CYLC2: variants seen among roughly 807,000 people sequenced by gnomAD.
CYLC2 encodes cylicin-2.
CYLC2 carries 30 observed loss-of-function variants against 26.1 expected under a neutral mutation model. The ratio of observed to expected loss-of-function variants is 1.15; its 90% CI spans 0.86 to 1.56. The LOEUF is 1.56. Among genes scored for constraint, CYLC2 ranks in the 40% most tolerant of loss-of-function variants. The pLI is 0.00. For synonymous variants in CYLC2, 158 were observed against 132.8 expected, an observed-to-expected ratio of 1.19 and a Z score of -1.31; for missense variants, 498 against 394.4, an observed-to-expected ratio of 1.26 and a Z score of -2.23.
At position 103,004,662 on chromosome 9, in the gene CYLC2, A is replaced by T. The variant is rs1007348098; in HGVS notation, c.181-33A>T. ...AATACAAACTGTGTTATTCACTCAC[A>T]AGTTGTTCATCATTATTGTAACCAT... On this transcript the variant is annotated intron_variant, in intron 3 of 7. Coordinates refer to ENST00000374798, the MANE Select transcript of CYLC2 (RefSeq NM_001340.5). 3 of 1,494,326 alleles carry T rather than the reference A, an allele frequency of 2.0e-6. No homozygotes were observed. The East Asian group carries it at 6.9e-5, about 34-fold the overall frequency. 92.6% of individuals were successfully genotyped at this position (1,494,326 alleles called of 1,614,324 possible).
At chr9:103,013,344 TAAATATATATTATATA>T in intron 6 of CYLC2, among the ~76,000 whole-genome samples, 1 of 68,542 alleles carries the variant, frequency 1.5e-5, no homozygotes, top group Non-Finnish European at 2.4e-5. Flanking sequence ...ATATATTATA[TAAATATATATTATATA>T]AATATATATT....
intron 6 of CYLC2, among the ~76,000 whole-genome samples, chr9:103,015,289 A>G (rs1587856756): frequency 1.6e-5 from 2 of 122,100 alleles, no homozygotes; most frequent in Admixed American, 9.4e-5. Context: ...ATTATATAAT[A>G]TAATTATATG....
At chr9:102,996,602 G>T (rs912304397) in intron 1 of CYLC2, among the ~76,000 whole-genome samples, 3 of 151,914 alleles carry the variant, frequency 2.0e-5, no homozygotes, top group African/African-American at 7.2e-5. Flanking sequence ...GAGTTCAAGT[G>T]ACAGCTCCCA....
chr9:103,005,382 G>T lies in CYLC2; in HGVS notation c.751G>T (p.Ala251Ser), dbSNP rs1335565244. The T allele has an allele frequency of 3.1e-6, 5 of 1,613,884 alleles. No individual in the cohort carries two copies. In the East Asian group the frequency reaches 8.9e-5, roughly 29 times the overall value. Residue 251 changes from alanine (A) to serine (S), a missense_variant, in exon 5 of 8, where the codon GCA becomes TCA. Physicochemically the swap from Ala to Ser is moderately conservative, Grantham distance 99. Transcript: ENST00000374798. ...GAAGGATGAGGATGGAAAAAAAGAT[G>T]CAAACAAAGGTGATGAATCGAAGGA... ...EKKDEDGKKD[A>S]NKGDESKDAK... is the part of the protein sequence containing the mutation.
Position 103,005,410 on chromosome 9 carries a change from C to A in CYLC2, c.779C>A (p.Ala260Asp). 6.2e-7 allele frequency: 1 copy of A among 1,613,358 alleles called. No individual in the cohort carries two copies. Among genetic ancestry groups the A allele is most frequent in the Non-Finnish European group, 8.5e-7 (1 of 1,179,812 alleles). ...DANKGDESKD[A>D]KKDAKEIKKG... ...AACAAAGGTGATGAATCGAAGGATG[C>A]CAAGAAAGATGCAAAGGAGATTAAA... The change falls in exon 5 of 8, where the codon GCC becomes GAC. Residue 260 changes from alanine (A) to aspartate (D), a missense_variant. Coordinates refer to ENST00000374798, the MANE Select transcript of CYLC2 (RefSeq NM_001340.5).
chr9:102,996,203 T>C (rs1200252830), intron 1 of CYLC2, among the ~76,000 whole-genome samples: 1 of 151,900 alleles, frequency 6.6e-6, no homozygotes, highest in African/African-American at 2.4e-5. Context: ...ATCATTAAAG[T>C]ATAATTTTTG....
chr9:103,004,986 GAAGAC>G lies in CYLC2; in HGVS notation c.363_367del (p.Lys121AsnfsTer39), dbSNP rs774557428. On this transcript the variant is annotated frameshift_variant, in exon 5 of 8. Coordinates refer to ENST00000374798, the MANE Select transcript of CYLC2 (RefSeq NM_001340.5). LOFTEE classifies it high-confidence loss of function. ...ATCCCCAGAAATTGGTAAGAAAGGT[GAAGAC>G]AAGACAACACAGAAGGACACAACAG... is the stretch of plus-strand genomic sequence containing the variant. 1 of 1,581,226 alleles carries G rather than the reference GAAGAC, an allele frequency of 6.3e-7. No homozygotes were observed. Among genetic ancestry groups the G allele is most frequent in the South Asian group, 1.2e-5 (1 of 84,718 alleles).
At chr9:103,002,838 C>T (rs1004111391) in intron 2 of CYLC2, among the ~76,000 whole-genome samples, 8 of 151,944 alleles carry the variant, frequency 5.3e-5, no homozygotes, top group Non-Finnish European at 8.8e-5. Flanking sequence ...AAGCAAAAAC[C>T]TAGACTGGAA....
At chr9:103,015,871 G>C (rs1252203040) in intron 6 of CYLC2, among the ~76,000 whole-genome samples, 1 of 150,080 alleles carries the variant, frequency 6.7e-6, no homozygotes, top group Non-Finnish European at 1.5e-5. Context: ...TCTGTAACCA[G>C]ATAAGATGGA....
intron 1 of CYLC2, 146 bp from the exon 2 acceptor site, chr9:103,001,432 T>C (rs1829287870): frequency 6.5e-6 from 4 of 614,298 alleles, no homozygotes; most frequent in Non-Finnish European, 1.2e-5. Flanking sequence ...ATCCTGGAGA[T>C]GAAGTAATCT....
At chr9:103,004,623 A>G in intron 3 of CYLC2, 72 bp from the exon 4 acceptor site, 1 of 995,570 alleles carries the variant, frequency 1.0e-6, no homozygotes. Context: ...ATTAAAATAT[A>G]TTTGGGATAT....
intron 6 of CYLC2, among the ~76,000 whole-genome samples, chr9:103,015,122 T>C (rs1349571603): frequency 8.5e-5 from 4 of 47,182 alleles, no homozygotes; most frequent in African/African-American, 3.4e-4. Context: ...AACATGTATA[T>C]CACGTGATAT....
At chr9:103,013,606 T>G (rs1221088579) in intron 6 of CYLC2, among the ~76,000 whole-genome samples, 10 of 112,126 alleles carry the variant, frequency 8.9e-5, no homozygotes, top group African/African-American at 3.3e-4. Flanking sequence ...TATTTATAAA[T>G]ATTTTATATA....
At chr9:102,995,559 T>C (rs1303594611) in intron 1 of CYLC2, among the ~76,000 whole-genome samples, 162 bp downstream of exon 1, 1 of 151,950 alleles carries the variant, frequency 6.6e-6, no homozygotes, top group Non-Finnish European at 1.5e-5. Flanking sequence ...TAATAGATTT[T>C]TTTGATTTAA....
At chr9:103,000,815 G>T (rs947662329) in intron 1 of CYLC2, among the ~76,000 whole-genome samples, 1 of 151,966 alleles carries the variant, frequency 6.6e-6, no homozygotes, top group Non-Finnish European at 1.5e-5. Flanking sequence ...AAAATATAAT[G>T]AAACAATGTA....
Position 103,005,631 on chromosome 9 carries a change from A to C in CYLC2, c.1000A>C (p.Asn334His), listed in dbSNP as rs765188712. 79 of 1,611,818 alleles carry C rather than the reference A, an allele frequency of 4.9e-5. No homozygotes were observed. Among genetic ancestry groups the C allele is most frequent in the Non-Finnish European group, 6.6e-5 (78 of 1,179,632 alleles). Residue 334 changes from asparagine (N) to histidine (H), a missense_variant, in exon 5 of 8, where the codon AAT becomes CAT. Coordinates refer to ENST00000374798, the MANE Select transcript of CYLC2 (RefSeq NM_001340.5). ...KKDAKKDAKKNAKKDEKKDAK... is the reference protein window; with the variant it reads ...KKDAKKDAKKHAKKDEKKDAK... ...GGATGCAAAGAAGGATGCAAAGAAG[A>C]ATGCAAAGAAGGATGAAAAGAAGGA... is the stretch of plus-strand genomic sequence containing the variant.
intron 1 of CYLC2, among the ~76,000 whole-genome samples, chr9:102,996,803 C>G (rs898308279): frequency 6.6e-5 from 10 of 151,904 alleles, no homozygotes; most frequent in African/African-American, 2.4e-4. Flanking sequence ...CCACTTATTC[C>G]TTCTCTAATA....
In CYLC2 at chr9:103,005,655, GATGCAAAGAAGA is replaced by G; in HGVS notation, c.1026_1037del (p.Asp342_Lys346delinsGlu). Reference sequence around the variant, plus strand: ...GAATGCAAAGAAGGATGAAAAGAAGGATGCAAAGAAGAAGGGCAAGTAGGCCTTGGATAAGAA... The same window carrying G: ...GAATGCAAAGAAGGATGAAAAGAAGGAGGGCAAGTAGGCCTTGGATAAGAA... On this transcript the variant is annotated inframe_deletion, in exon 5 of 8. Coordinates refer to ENST00000374798, the MANE Select transcript of CYLC2 (RefSeq NM_001340.5). 1 of 1,609,480 alleles carries G rather than the reference GATGCAAAGAAGA, an allele frequency of 6.2e-7. No homozygotes were observed. The highest frequency in any genetic ancestry group is 8.5e-7 in the Non-Finnish European group (1 of 1,178,334).
intron 5 of CYLC2, among the ~76,000 whole-genome samples, chr9:103,010,546 C>T (rs990306160): frequency 5.3e-5 from 8 of 152,018 alleles, no homozygotes; most frequent in Admixed American, 3.9e-4. Flanking sequence ...ATGACACCAA[C>T]GTTTAGACTG....
Sources: gnomAD v4.1 joint callset for allele counts (sites outside exome capture counted in the v4.1 genomes callset) on GRCh38, gnomAD v4.1.1 for gene constraint, MANE v1.5 for transcripts, NCBI Gene and HGNC (gene_info 2026-07-23, HGNC 2026-07-21) for gene names.